Variants in AGPS observed in about 807,000 individuals in gnomAD.
The protein encoded by AGPS is alkylglycerone phosphate synthase, also known as alkyldihydroxyacetonephosphate synthase, peroxisomal.
Under a neutral mutation model 90.7 loss-of-function variants are expected in AGPS, and 26 were observed. The ratio of observed to expected loss-of-function variants is 0.29; its 90% CI spans 0.21 to 0.40. AGPS has a LOEUF of 0.40. Ranked by LOEUF, AGPS falls within the 10% of genes least tolerant of loss-of-function variation. The pLI is 1.00. For missense variants in AGPS, 540 were observed against 816.1 expected (o/e 0.66, Z 4.12); for synonymous variants, 294 against 285.3 (o/e 1.03, Z -0.31).
chr2:177,527,200 G>A (rs1350936209), intron 19 of AGPS, among the ~76,000 whole-genome samples: 2 of 152,162 alleles, frequency 1.3e-5, no homozygotes, highest in African/African-American at 4.8e-5. Flanking sequence ...GGCCTAGGCG[G>A]GTGGATTGCT....
At chr2:177,416,434 T>C (rs1685785939) in intron 1 of AGPS, among the ~76,000 whole-genome samples, 1 of 152,332 alleles carries the variant, frequency 6.6e-6, no homozygotes, top group South Asian at 2.1e-4. Flanking sequence ...AGTTTGGTAC[T>C]GTGGTTAGAT....
chr2:177,526,631 A>G (rs74771135), intron 19 of AGPS, among the ~76,000 whole-genome samples: 2,504 of 152,326 alleles, frequency 0.016, 30 homozygotes, highest in South Asian at 0.031. Flanking sequence ...GAAGGGCCTT[A>G]TAGTCCAGTA....
chr2:177,536,410 TA>T lies in AGPS; in HGVS notation c.1856-1651del, dbSNP rs60070814. ...TTTTACCATTCACAGAGTAGTTGTT[TA>T]AAAAAAAAAAAATCCTGTGGAGCAA... On this transcript the variant is annotated intron_variant, in intron 19 of 19. Coordinates refer to ENST00000264167, the MANE Select transcript of AGPS (RefSeq NM_003659.4). Among the ~76,000 whole-genome samples, 781 of 145,818 alleles carry T rather than the reference TA, an allele frequency of 5.4e-3. 5 individuals carry two copies. The highest frequency in any genetic ancestry group is 0.033 in the East Asian group (167 of 5,078).
chr2:177,438,637 C>T (rs539007413), intron 5 of AGPS, among the ~76,000 whole-genome samples: 8 of 152,122 alleles, frequency 5.3e-5, no homozygotes, highest in Non-Finnish European at 8.8e-5. Context: ...GTTTTCATGC[C>T]GCATGTTTCT....
At chr2:177,510,952 T>G (rs1688850724) in intron 16 of AGPS, among the ~76,000 whole-genome samples, 1 of 152,200 alleles carries the variant, frequency 6.6e-6, no homozygotes, top group Non-Finnish European at 1.5e-5. Flanking sequence ...CATCCTATTG[T>G]GTTCCATCCC....
rs377634849 is a variant in AGPS at position 177,512,627 on chromosome 2, T to C, written c.1608-1192T>C. Among the ~76,000 whole-genome samples the C allele has an allele frequency of 3.0e-4, 45 of 152,338 alleles. No homozygotes were observed. The South Asian group carries it at 9.1e-3, about 31-fold the overall frequency. ...GCCAACCTTTTGAGTTTTTCTGGTA[T>C]CATTTCAAGTCTCATGATGCTAAAC... On this transcript the variant is annotated intron_variant, in intron 16 of 19. Transcript: ENST00000264167.
chr2:177,459,569 G>A (rs189530906), intron 8 of AGPS, among the ~76,000 whole-genome samples: 1 of 152,174 alleles, frequency 6.6e-6, no homozygotes, highest in African/African-American at 2.4e-5. Context: ...ATGAAAAAAT[G>A]CTCATCATCA....
rs1318616259 is a variant in AGPS at position 177,417,370 on chromosome 2, A to G, written c.261-2899A>G. Among the ~76,000 whole-genome samples the G allele has an allele frequency of 3.3e-5, 5 of 152,244 alleles. No individual in the cohort carries two copies. The East Asian group carries it at 9.6e-4, about 29-fold the overall frequency. ...ATGTTTAGACTTGGGTCCCATCCCC[A>G]AGAAATCTCATTGTGTATATGTAAA... On this transcript the variant is annotated intron_variant, in intron 1 of 19. Coordinates refer to ENST00000264167, the MANE Select transcript of AGPS (RefSeq NM_003659.4).
chr2:177,521,188 C>T (rs1005180932), intron 17 of AGPS, 81 bp from the exon 18 acceptor site: 23 of 1,150,946 alleles, frequency 2.0e-5, no homozygotes, highest in African/African-American at 6.1e-5. Context: ...TCATTTGGGT[C>T]GTCTTGACTT....
At chr2:177,440,382 T>C (rs573930556) in intron 5 of AGPS, among the ~76,000 whole-genome samples, 2 of 152,230 alleles carry the variant, frequency 1.3e-5, no homozygotes, top group East Asian at 3.9e-4. Context: ...GCAACATCAC[T>C]TCTGTGGAAT....
At position 177,420,166 on chromosome 2, in the gene AGPS, C is replaced by G. The variant is rs1685904043; in HGVS notation, c.261-103C>G. 5.3e-6 allele frequency: 4 copies of G among 749,638 alleles called. No individual in the cohort carries two copies. In the East Asian group the frequency reaches 1.0e-4, roughly 19 times the overall value. 46.4% of individuals were successfully genotyped at this position (749,638 alleles called of 1,614,324 possible). A position where few individuals can be genotyped will look rare whatever the true frequency, so the allele number is the denominator to read the frequency against. ...TTTAACCTTATACAATATTTGTGGG[C>G]ATAAGGTATTTTAGATGATTGTGAG... On this transcript the variant is annotated intron_variant, in intron 1 of 19. Transcript: ENST00000264167.
rs189730305 is a variant in AGPS at position 177,443,709 on chromosome 2, C to T, written c.789+1223C>T. On this transcript the variant is annotated intron_variant, in intron 7 of 19. Coordinates refer to ENST00000264167, the MANE Select transcript of AGPS (RefSeq NM_003659.4). Reference sequence around the variant, plus strand: ...CACTTTATTTTATTGTAAGGTTCCCCATTAACCTATCTCCTTATCCCAGAT... The same window carrying T: ...CACTTTATTTTATTGTAAGGTTCCCTATTAACCTATCTCCTTATCCCAGAT... Among the ~76,000 whole-genome samples, 360 of 152,296 alleles carry T rather than the reference C, an allele frequency of 2.4e-3. 3 individuals carry two copies. Among genetic ancestry groups the T allele is most frequent in the African/African-American group, 7.9e-3 (327 of 41,564 alleles).
intron 9 of AGPS, among the ~76,000 whole-genome samples, chr2:177,464,876 GAAAGT>G (rs1182627857): frequency 6.6e-6 from 1 of 152,186 alleles, no homozygotes; most frequent in African/African-American, 2.4e-5. Context: ...CTTCACAAAA[GAAAGT>G]AAAGTATGAT....
chr2:177,399,233 G>T (rs796324018), intron 1 of AGPS, among the ~76,000 whole-genome samples: 1 of 152,170 alleles, frequency 6.6e-6, no homozygotes. Context: ...ATATTACTCC[G>T]TTTGATTTTA....
chr2:177,490,900 G>C (rs1318660076), intron 11 of AGPS, among the ~76,000 whole-genome samples: 1 of 125,392 alleles, frequency 8.0e-6, no homozygotes, highest in Non-Finnish European at 1.6e-5. Flanking sequence ...TTGTTGCCCA[G>C]GCTGGAGTGC....
In AGPS at chr2:177,520,884, TAACAA is replaced by T. The variant is rs1300742724; in HGVS notation, c.1698-379_1698-375del. Among the ~76,000 whole-genome samples the T allele has an allele frequency of 9.2e-5, 14 of 152,324 alleles. 1 individual carries two copies. The highest frequency in any genetic ancestry group is 3.4e-4 in the African/African-American group (14 of 41,586). On this transcript the variant is annotated intron_variant, in intron 17 of 19. Coordinates refer to ENST00000264167, the MANE Select transcript of AGPS (RefSeq NM_003659.4). ...GCTGATAGTTCTCATTACTTCTAGA[TAACAA>T]AACAATAAAATCAGTGAAAATGGCA... is the stretch of plus-strand genomic sequence containing the variant.
At chr2:177,486,168 C>T (rs1297804271) in intron 11 of AGPS, among the ~76,000 whole-genome samples, 2 of 152,154 alleles carry the variant, frequency 1.3e-5, no homozygotes, top group Non-Finnish European at 2.9e-5. Flanking sequence ...ATTCTATTCT[C>T]GAGCATTGCT....
intron 10 of AGPS, among the ~76,000 whole-genome samples, chr2:177,473,160 G>T (rs1308921190): frequency 2.0e-5 from 3 of 152,190 alleles, no homozygotes; most frequent in Non-Finnish European, 2.9e-5. Context: ...CTACTTAGAG[G>T]TAATTTGAAA....
In AGPS at chr2:177,485,903, C is replaced by A. The variant is rs183865057; in HGVS notation, c.1233+3717C>A. 3.9e-5 allele frequency among the ~76,000 whole-genome samples: 6 copies of A among 152,116 alleles called. No individual in the cohort carries two copies. In the East Asian group the frequency reaches 9.6e-4, roughly 24 times the overall value. ...CTGTACTTCAGCCTGGGCAACAGAG[C>A]AAGACCCTATCTCAAAAAACAAACA... On this transcript the variant is annotated intron_variant, in intron 11 of 19. Coordinates refer to ENST00000264167, the MANE Select transcript of AGPS (RefSeq NM_003659.4).
Sources: gnomAD v4.1 joint callset for allele counts (sites outside exome capture counted in the v4.1 genomes callset) on GRCh38, gnomAD v4.1.1 for gene constraint, MANE v1.5 for transcripts, NCBI Gene and HGNC (gene_info 2026-07-23, HGNC 2026-07-21) for gene names.